COPS3: variants seen among roughly 807,000 people sequenced by gnomAD.
COPS3 encodes COP9 signalosome subunit 3, also known as COP9 signalosome complex subunit 3.
In COPS3, 10 loss-of-function variants were observed where a neutral mutation model predicts 58.2. The ratio of observed to expected loss-of-function variants is 0.17; its 90% confidence interval spans 0.11 to 0.29. COPS3 has a LOEUF of 0.29. Ranked by LOEUF, COPS3 falls within the 10% of genes least tolerant of loss-of-function variation. The pLI is 1.00. For missense variants in COPS3, 333 were observed against 510.1 expected, an observed-to-expected ratio of 0.65 and a Z score of 3.34; for synonymous variants, 187 against 181.7, an observed-to-expected ratio of 1.03 and a Z score of -0.24.
At chr17:17,250,932 C>T (rs2047829360) in intron 9 of COPS3, among the ~76,000 whole-genome samples, 1 of 152,180 alleles carries the variant, frequency 6.6e-6, no homozygotes, top group South Asian at 2.1e-4. Flanking sequence ...CTACCTTCAC[C>T]ACAGCAGCAC....
At chr17:17,258,389 C>A (rs1461634722) in intron 8 of COPS3, among the ~76,000 whole-genome samples, 2 of 152,194 alleles carry the variant, frequency 1.3e-5, no homozygotes, top group Non-Finnish European at 2.9e-5. Context: ...ACCTCTATCT[C>A]CTGGGTTCAA....
At chr17:17,275,925 G>A (rs2048451778) in intron 2 of COPS3, 110 bp downstream of exon 2, 2 of 1,074,588 alleles carry the variant, frequency 1.9e-6, no homozygotes, top group Admixed American at 2.7e-5. Context: ...CTGGGTGACA[G>A]AGCGAAACTC....
chr17:17,274,095 A>C (rs372921144), intron 2 of COPS3, among the ~76,000 whole-genome samples: 35 of 152,330 alleles, frequency 2.3e-4, no homozygotes, highest in African/African-American at 8.4e-4. Context: ...ATGGACATGA[A>C]TGCATTTTGA....
intron 5 of COPS3, among the ~76,000 whole-genome samples, chr17:17,267,272 A>G (rs1287666462): frequency 1.4e-5 from 2 of 146,834 alleles, no homozygotes; most frequent in African/African-American, 5.0e-5. Context: ...CGGGAGGCGG[A>G]GCTTGCAGTG....
At position 17,247,052 on chromosome 17, in the gene COPS3, G is replaced by A; in HGVS notation, c.*46C>T. 2 of 1,549,628 alleles carry A rather than the reference G, an allele frequency of 1.3e-6. No homozygotes were observed. The highest frequency in any genetic ancestry group is 2.7e-5 in the African/African-American group (2 of 73,600). On this transcript the variant is annotated 3_prime_UTR_variant, in exon 12 of 12. Coordinates refer to ENST00000268717, the MANE Select transcript of COPS3 (RefSeq NM_003653.4). Reference sequence around the variant, plus strand: ...GCTGCCCTCCGAACACTTGTCACTGGCCAAGATGGTAGTTTCTCTTGTTTA... The same window carrying A: ...GCTGCCCTCCGAACACTTGTCACTGACCAAGATGGTAGTTTCTCTTGTTTA...
At chr17:17,265,995 T>G (rs1343244682) in intron 5 of COPS3, among the ~76,000 whole-genome samples, 2 of 152,226 alleles carry the variant, frequency 1.3e-5, no homozygotes, top group Non-Finnish European at 2.9e-5. Context: ...GGAGACGCAG[T>G]GTAGACATGC....
At chr17:17,279,448 C>A (rs1856940903) in intron 1 of COPS3, among the ~76,000 whole-genome samples, 1 of 152,202 alleles carries the variant, frequency 6.6e-6, no homozygotes, top group African/African-American at 2.4e-5. Context: ...AATAAATTAA[C>A]AAACCAGTGG....
chr17:17,259,071 G>T (rs1027452250), intron 8 of COPS3, among the ~76,000 whole-genome samples: 2 of 151,926 alleles, frequency 1.3e-5, no homozygotes, highest in African/African-American at 4.8e-5. Flanking sequence ...ATTGGGCTAG[G>T]GGAAGTCACC....
intron 5 of COPS3, among the ~76,000 whole-genome samples, chr17:17,265,804 C>G (rs1231091132): frequency 6.6e-6 from 1 of 152,184 alleles, no homozygotes; most frequent in Non-Finnish European, 1.5e-5. Context: ...TTAACCTATC[C>G]CTACCCATCT....
intron 2 of COPS3, among the ~76,000 whole-genome samples, chr17:17,274,426 CT>C (rs71152859): frequency 3.5e-4 from 49 of 141,482 alleles, no homozygotes; most frequent in Non-Finnish European, 3.6e-4. Context: ...ATTAGCTTTT[CT>C]TTTTTTTTTT....
chr17:17,251,662 G>A lies in COPS3; in HGVS notation c.1024-2623C>T, dbSNP rs534184826. On this transcript the variant is annotated intron_variant, in intron 9 of 11. Transcript: ENST00000268717. ...GTAGCCCTGAAAACGAATGAACTAC[G>A]GCTACATACAGCATCATGCATGACT... Among the ~76,000 whole-genome samples the A allele has an allele frequency of 1.1e-4, 17 of 152,178 alleles. No homozygotes were observed. In the South Asian group the frequency reaches 3.3e-3, roughly 30 times the overall value.
chr17:17,278,744 T>C (rs577836216), intron 1 of COPS3, among the ~76,000 whole-genome samples: 20 of 152,218 alleles, frequency 1.3e-4, no homozygotes, highest in African/African-American at 4.6e-4. Flanking sequence ...AAATAAAAGC[T>C]GGGTCACTAT....
intron 2 of COPS3, among the ~76,000 whole-genome samples, chr17:17,275,024 C>T (rs992102489): frequency 2.0e-5 from 3 of 151,986 alleles, no homozygotes; most frequent in Non-Finnish European, 4.4e-5. Context: ...TGCTGCCCAC[C>T]TCCAGCCAGC....
chr17:17,251,119 C>T (rs2047833243), intron 9 of COPS3, among the ~76,000 whole-genome samples: 1 of 152,064 alleles, frequency 6.6e-6, no homozygotes, highest in African/African-American at 2.4e-5. Flanking sequence ...CTCAGCCTCC[C>T]GAGTAGCTGG....
chr17:17,260,176 T>C, intron 8 of COPS3, 125 bp downstream of exon 8: 1 of 953,230 alleles, frequency 1.0e-6, no homozygotes. Context: ...GAGTTCTCTC[T>C]CAGCACAGAA....
intron 1 of COPS3, chr17:17,280,735 T>A (rs920216000): frequency 1.6e-6 from 2 of 1,249,084 alleles, no homozygotes; most frequent in African/African-American, 1.6e-5. Context: ...GTCAGCAAGC[T>A]GCGGATCGGC....
chr17:17,253,696 T>A (rs2047899635), intron 9 of COPS3, among the ~76,000 whole-genome samples: 1 of 152,148 alleles, frequency 6.6e-6, no homozygotes, highest in Admixed American at 6.5e-5. Context: ...TCAGCAAGAT[T>A]TCTTGCTGCA....
rs1270801127 is a variant in COPS3 at position 17,275,366 on chromosome 17, C to T, written c.185+669G>A. 3.3e-5 allele frequency among the ~76,000 whole-genome samples: 5 copies of T among 151,946 alleles called. No homozygotes were observed. In the East Asian group the frequency reaches 5.8e-4, roughly 18 times the overall value. On this transcript the variant is annotated intron_variant, in intron 2 of 11. Coordinates refer to ENST00000268717, the MANE Select transcript of COPS3 (RefSeq NM_003653.4). ...CCTCCCAAAATGTTGGGATTAGAGG[C>T]GGGAGCCACTGTGCCCAGCTGCAAC... is the stretch of plus-strand genomic sequence containing the variant.
intron 2 of COPS3, among the ~76,000 whole-genome samples, chr17:17,274,378 T>C (rs1272010290): frequency 1.3e-5 from 2 of 151,178 alleles, no homozygotes; most frequent in Non-Finnish European, 2.9e-5. Context: ...ACAGTATAGA[T>C]GGAAGCAGAT....
Sources: gnomAD v4.1 joint callset for allele counts (sites outside exome capture counted in the v4.1 genomes callset) on GRCh38, gnomAD v4.1.1 for gene constraint, MANE v1.5 for transcripts, NCBI Gene and HGNC (gene_info 2026-07-23, HGNC 2026-07-21) for gene names.